LRRFIP1: variants seen among roughly 807,000 people sequenced by gnomAD.
LRRFIP1 encodes the protein leucine-rich repeat flightless-interacting protein 1.
Under a neutral mutation model 104.4 loss-of-function variants are expected in LRRFIP1, and 62 were observed. That is an observed-to-expected ratio of 0.59 (90% CI 0.48 to 0.73). The LOEUF (loss-of-function observed/expected upper bound fraction) is 0.73, where lower values mean the gene tolerates loss of function less well. Among genes scored for constraint, LRRFIP1 ranks in the 30% least tolerant of loss-of-function variants. The pLI, the probability that LRRFIP1 is intolerant of heterozygous loss-of-function variation, is 0.00. For missense variants in LRRFIP1, 796 were observed against 824.5 expected, an observed-to-expected ratio of 0.97 and a Z score of 0.42; for synonymous variants, 300 against 299.0, an observed-to-expected ratio of 1.00 and a Z score of -0.03.
chr2:237,760,623 A>G (rs2059757556), intron 19 of LRRFIP1, among the ~76,000 whole-genome samples: 1 of 152,224 alleles, frequency 6.6e-6, no homozygotes, highest in Non-Finnish European at 1.5e-5. Flanking sequence ...TGAGGCCGTC[A>G]AGTCAGTTGG....
At chr2:237,679,593 C>T (rs554418178) in intron 1 of LRRFIP1, among the ~76,000 whole-genome samples, 2 of 152,306 alleles carry the variant, frequency 1.3e-5, no homozygotes, top group African/African-American at 4.8e-5. Context: ...AAAACCAAAG[C>T]ATTCCTATAT....
At chr2:237,644,377 G>A (rs1165581948) in intron 1 of LRRFIP1, among the ~76,000 whole-genome samples, 1 of 152,200 alleles carries the variant, frequency 6.6e-6, no homozygotes, top group East Asian at 1.9e-4. Context: ...GAGGAATTTA[G>A]GTGTATTAAC....
intron 19 of LRRFIP1, chr2:237,769,199 T>G (rs1367763442): frequency 6.6e-6 from 1 of 152,358 alleles, no homozygotes; most frequent in African/African-American, 2.4e-5. Flanking sequence ...GCATTCTGAC[T>G]GTGCCTTTAA....
At chr2:237,685,568 A>T (rs946984108) in intron 1 of LRRFIP1, among the ~76,000 whole-genome samples, 2 of 152,100 alleles carry the variant, frequency 1.3e-5, no homozygotes, top group African/African-American at 4.8e-5. Flanking sequence ...GCATCTAGTT[A>T]TCTGCCCTCT....
At chr2:237,699,176 A>G (rs907896656) in intron 1 of LRRFIP1, among the ~76,000 whole-genome samples, 1 of 152,208 alleles carries the variant, frequency 6.6e-6, no homozygotes, top group African/African-American at 2.4e-5. Context: ...ACTAACTCTC[A>G]GGAAAGTTCT....
intron 22 of LRRFIP1, chr2:237,774,138 G>A: frequency 5.8e-6 from 3 of 519,884 alleles, no homozygotes; most frequent in Non-Finnish European, 1.0e-5. Flanking sequence ...GGGGTCAGAG[G>A]AAATGGGTCC....
At chr2:237,630,064 G>A (rs2082133000) in intron 1 of LRRFIP1, among the ~76,000 whole-genome samples, 1 of 152,216 alleles carries the variant, frequency 6.6e-6, no homozygotes, top group Non-Finnish European at 1.5e-5. Context: ...TGTAAAGTAT[G>A]TAACTAGGCG....
chr2:237,667,696 C>T (rs555018683), intron 1 of LRRFIP1, among the ~76,000 whole-genome samples: 6 of 152,294 alleles, frequency 3.9e-5, no homozygotes, highest in African/African-American at 4.8e-5. Context: ...ATGGAGCACA[C>T]GTTTGTTCAT....
chr2:237,658,182 A>G (rs2087169032), intron 1 of LRRFIP1, among the ~76,000 whole-genome samples: 1 of 152,242 alleles, frequency 6.6e-6, no homozygotes, highest in Non-Finnish European at 1.5e-5. Flanking sequence ...ATGGAAGAAA[A>G]GGCTTCATAT....
At chr2:237,687,035 G>A (rs1358136739) in intron 1 of LRRFIP1, among the ~76,000 whole-genome samples, 1 of 152,256 alleles carries the variant, frequency 6.6e-6, no homozygotes, top group Non-Finnish European at 1.5e-5. Flanking sequence ...TTTCTGCTCT[G>A]AGTGAGGCCC....
chr2:237,717,474 C>T lies in LRRFIP1; in HGVS notation c.202-288C>T, dbSNP rs55840528. ...GCTGGGCCGGCTTTACTGTCCTGCTCTCCCCCGAGGCCCTTCACCTGGGGA... is the reference window on the plus strand; with the variant it reads ...GCTGGGCCGGCTTTACTGTCCTGCTTTCCCCCGAGGCCCTTCACCTGGGGA... On this transcript the variant is annotated intron_variant, in intron 3 of 23. Transcript: ENST00000308482. This position sits in a 1 kb window ranked among gnomAD's most constrained non-coding sequence, Gnocchi z 4.2. Among the ~76,000 whole-genome samples, 1 of 152,234 alleles carries T rather than the reference C, an allele frequency of 6.6e-6. No individual in the cohort carries two copies. The highest frequency in any genetic ancestry group is 1.5e-5 in the Non-Finnish European group (1 of 68,038).
chr2:237,670,429 TG>T (rs975400473), intron 1 of LRRFIP1, among the ~76,000 whole-genome samples: 2 of 151,858 alleles, frequency 1.3e-5, no homozygotes, highest in Non-Finnish European at 2.9e-5. Flanking sequence ...AAGCCAGGGG[TG>T]GGGTAGGACA....
At chr2:237,705,200 G>T (rs932822856) in intron 1 of LRRFIP1, among the ~76,000 whole-genome samples, 2 of 152,152 alleles carry the variant, frequency 1.3e-5, no homozygotes, top group South Asian at 4.1e-4. Flanking sequence ...GGGTGGGCGT[G>T]CAGGTGCCTG....
intron 2 of LRRFIP1, among the ~76,000 whole-genome samples, chr2:237,713,068 G>C (rs2094174815): frequency 6.7e-6 from 1 of 148,446 alleles, no homozygotes; most frequent in African/African-American, 2.6e-5. Flanking sequence ...GTTTTCTTGA[G>C]GGGGCCGCTC....
At position 237,779,192 on chromosome 2, in the gene LRRFIP1, C is replaced by T. The variant is rs576495822; in HGVS notation, c.1813-230C>T. On this transcript the variant is annotated intron_variant, in intron 23 of 23. Transcript: ENST00000308482. ...TCACGCCACTGCACTCCAGCCTGGG[C>T]GACTGAGCGAGATTCCATCTCAAGA... 1.3e-3 allele frequency: 324 copies of T among 259,082 alleles called. 1 individual carries two copies. Among genetic ancestry groups the T allele is most frequent in the African/African-American group, 4.8e-3 (207 of 43,288 alleles). 16.0% of individuals were successfully genotyped at this position (259,082 alleles called of 1,614,324 possible). A position where few individuals can be genotyped will look rare whatever the true frequency, so the allele number is the denominator to read the frequency against.
At position 237,727,896 on chromosome 2, in the gene LRRFIP1, A is replaced by T; in HGVS notation, c.405A>T (p.Glu135Asp). ...PYAWTNGYDG[E>D]LYGSQSLNRR... ...AACAGACAAATGGTTATGATGGAGA[A>T]TTGTATGGATCACAGTCCCTGAATA... is the stretch of plus-strand genomic sequence containing the variant. Residue 135 changes from glutamate (E) to aspartate (D), a missense_variant, in exon 8 of 24, where the codon GAA becomes GAT. Glu to Asp is a conservative substitution (Grantham distance 45, BLOSUM62 2). Coordinates refer to ENST00000308482, the MANE Select transcript of LRRFIP1 (RefSeq NM_001137550.2). 1 of 1,612,126 alleles carries T rather than the reference A, an allele frequency of 6.2e-7. No homozygotes were observed. Among genetic ancestry groups the T allele is most frequent in the Non-Finnish European group, 8.5e-7 (1 of 1,179,054 alleles).
intron 1 of LRRFIP1, among the ~76,000 whole-genome samples, chr2:237,684,668 G>T (rs748858836): frequency 6.6e-5 from 10 of 152,018 alleles, no homozygotes; most frequent in Non-Finnish European, 1.2e-4. Flanking sequence ...TTTCTTCACA[G>T]GAGAGCTGCC....
intron 6 of LRRFIP1, among the ~76,000 whole-genome samples, chr2:237,722,844 G>A (rs971376110): frequency 7.9e-5 from 12 of 152,182 alleles, no homozygotes; most frequent in Non-Finnish European, 1.2e-4. Context: ...TGTGTCCTCC[G>A]TGCGCTGGGT....
intron 1 of LRRFIP1, among the ~76,000 whole-genome samples, chr2:237,681,169 G>T (rs573919701): frequency 6.6e-6 from 1 of 152,224 alleles, no homozygotes; most frequent in East Asian, 1.9e-4. Context: ...TACTTTCAGT[G>T]GGTCCTTTAC....
Sources: gnomAD v4.1 joint callset for allele counts (sites outside exome capture counted in the v4.1 genomes callset) on GRCh38, gnomAD v4.1.1 for gene constraint, Gnocchi (gnomAD v3.1) non-coding constraint, MANE v1.5 for transcripts, NCBI Gene and HGNC (gene_info 2026-07-23, HGNC 2026-07-21) for gene names.